Variants in AKAP19 observed in about 807,000 individuals in gnomAD.
The protein encoded by AKAP19 is A-kinase anchoring protein 19, also known as small A-kinase anchoring protein.
the AKAP19 span, among the ~76,000 whole-genome samples, chr2:190,034,071 A>G: frequency 1.3e-5 from 2 of 151,158 alleles, no homozygotes; most frequent in South Asian, 4.2e-4. Context: ...GTACCCTAGA[A>G]CTTAAAGTAT....
chr2:189,940,573 G>A, the AKAP19 span, among the ~76,000 whole-genome samples: 1 of 145,716 alleles, frequency 6.9e-6, no homozygotes, highest in Admixed American at 6.7e-5. Context: ...CAAGAGCAAG[G>A]GGTAGAAAGC....
chr2:190,155,781 G>A, the AKAP19 span, among the ~76,000 whole-genome samples: 13 of 152,192 alleles, frequency 8.5e-5, 1 homozygote, highest in African/African-American at 2.9e-4. Context: ...TTAATCAAAG[G>A]TGGATAGATT....
chr2:189,903,877 A>G, the AKAP19 span, among the ~76,000 whole-genome samples: 2 of 152,018 alleles, frequency 1.3e-5, no homozygotes, highest in Non-Finnish European at 2.9e-5. Flanking sequence ...CCCACTTATA[A>G]GTGAGAACAT....
the AKAP19 span, among the ~76,000 whole-genome samples, chr2:189,957,123 C>T: frequency 1.3e-5 from 2 of 152,114 alleles, no homozygotes; most frequent in East Asian, 1.9e-4. Context: ...TGCAGTGAGC[C>T]GAGATCGCGC....
At chr2:190,038,907 C>CTTTCTTTCTTTCTTTCTTTCTTTCTTT in the AKAP19 span, among the ~76,000 whole-genome samples, 2 of 75,948 alleles carry the variant, frequency 2.6e-5, no homozygotes, top group African/African-American at 9.7e-5. Context: ...TTTCTTTCTT[C>CTTTCTTTCTTTCTTTCTTTCTTTCTTT]TTCTTCTTCT....
chr2:190,052,377 G>A, the AKAP19 span, among the ~76,000 whole-genome samples: 1 of 152,150 alleles, frequency 6.6e-6, no homozygotes, highest in Non-Finnish European at 1.5e-5. Context: ...AGTCACTTTA[G>A]TGTGCTCAGT....
the AKAP19 span, among the ~76,000 whole-genome samples, chr2:189,914,045 C>T: frequency 6.6e-6 from 1 of 151,980 alleles, no homozygotes; most frequent in East Asian, 1.9e-4. Flanking sequence ...TCGTTTAGAA[C>T]AGCTGTGTCT....
chr2:190,201,254 C>T, the AKAP19 span: 1 of 166,884 alleles, frequency 6.0e-6, no homozygotes, highest in Non-Finnish European at 1.5e-5. Context: ...TTCATTTTTA[C>T]TGTCACAGCA....
chr2:190,099,940 A>C, the AKAP19 span, among the ~76,000 whole-genome samples: 3,165 of 152,306 alleles, frequency 0.021, 128 homozygotes, highest in African/African-American at 0.072. Flanking sequence ...TATTAGAATT[A>C]AAAAGGAAAC....
At chr2:190,101,526 G>A in the AKAP19 span, among the ~76,000 whole-genome samples, 2 of 152,100 alleles carry the variant, frequency 1.3e-5, no homozygotes, top group Non-Finnish European at 2.9e-5. Context: ...TGGAGCAGCA[G>A]GGCTCTTTCC....
chr2:190,057,651 G>C, the AKAP19 span: 4 of 1,612,572 alleles, frequency 2.5e-6, no homozygotes, highest in Non-Finnish European at 3.4e-6. Context: ...GTTTGAAAAG[G>C]AAAGAACAAT....
the AKAP19 span, among the ~76,000 whole-genome samples, chr2:190,151,924 A>G: frequency 6.6e-6 from 1 of 152,052 alleles, no homozygotes. Flanking sequence ...AATTGCTTTA[A>G]TCTGGGAGGC....
chr2:190,057,268 C>A, the AKAP19 span: 1 of 1,613,132 alleles, frequency 6.2e-7, no homozygotes, highest in Non-Finnish European at 8.5e-7. Flanking sequence ...TCATGAGCAC[C>A]CACAGCGGTC....
the AKAP19 span, among the ~76,000 whole-genome samples, chr2:190,007,049 A>G: frequency 6.6e-6 from 1 of 152,180 alleles, no homozygotes; most frequent in Non-Finnish European, 1.5e-5. Context: ...TTAAACAAGT[A>G]GGTCCTCTGA....
chr2:189,914,178 G>A, the AKAP19 span, among the ~76,000 whole-genome samples: 6 of 152,006 alleles, frequency 3.9e-5, no homozygotes, highest in African/African-American at 7.2e-5. Flanking sequence ...CAGCTGTTAC[G>A]TACAATTATA....
chr2:189,882,280 A>G, the AKAP19 span, among the ~76,000 whole-genome samples: 1 of 152,224 alleles, frequency 6.6e-6, no homozygotes, highest in Non-Finnish European at 1.5e-5. Flanking sequence ...AGTAATAACT[A>G]GTATGAACCT....
chr2:189,923,463 T>C, the AKAP19 span: 1 of 1,613,886 alleles, frequency 6.2e-7, no homozygotes, highest in Non-Finnish European at 8.5e-7. Context: ...TATGGCAAAA[T>C]TGTGGGCTGC....
At chr2:189,907,621 G>C in the AKAP19 span, among the ~76,000 whole-genome samples, 1 of 151,936 alleles carries the variant, frequency 6.6e-6, no homozygotes, top group African/African-American at 2.4e-5. Flanking sequence ...AGTTATTGCT[G>C]AATCCCCAGA....
the AKAP19 span, among the ~76,000 whole-genome samples, chr2:190,086,514 T>C: frequency 6.6e-6 from 1 of 152,202 alleles, no homozygotes; most frequent in Non-Finnish European, 1.5e-5. Context: ...TGCACGATGG[T>C]TGCAGTCTAC....
Sources: allele counts gnomAD v4.1 joint callset (sites outside exome capture counted in the v4.1 genomes callset), GRCh38; gene constraint gnomAD v4.1.1; transcripts MANE v1.5; gene names NCBI Gene and HGNC (gene_info 2026-07-23, HGNC 2026-07-21).